The following FBXO9 variants were observed in gnomAD, a reference collection of about 807,000 sequenced individuals.
FBXO9 encodes F-box protein 9, also known as F-box only protein 9.
Under a neutral mutation model 63.7 loss-of-function variants are expected in FBXO9, and 43 were observed. That is an observed-to-expected ratio of 0.67 (90% confidence interval 0.53 to 0.87). The LOEUF (loss-of-function observed/expected upper bound fraction) is 0.87, where lower values mean the gene tolerates loss of function less well. Ranked by LOEUF, FBXO9 falls within the 40% of genes least tolerant of loss-of-function variation. The pLI is 0.00. For synonymous variants in FBXO9, 156 were observed against 171.7 expected, an observed-to-expected ratio of 0.91 and a Z score of 0.72; for missense variants, 442 against 533.2, an observed-to-expected ratio of 0.83 and a Z score of 1.68.
At chr6:53,067,472 A>G (rs1382899130) in intron 1 of FBXO9, among the ~76,000 whole-genome samples, 5 of 152,168 alleles carry the variant, frequency 3.3e-5, no homozygotes, top group Admixed American at 2.0e-4. Flanking sequence ...ATGAACCCTG[A>G]GCTGAATCTT....
intron 1 of FBXO9, among the ~76,000 whole-genome samples, chr6:53,066,669 C>G (rs1185112904): frequency 6.6e-6 from 1 of 152,226 alleles, no homozygotes; most frequent in Admixed American, 6.5e-5. Flanking sequence ...CCTAAACTTT[C>G]AGAAGTAGTT....
chr6:53,079,320 A>G (rs973854868), intron 5 of FBXO9, among the ~76,000 whole-genome samples: 2 of 152,140 alleles, frequency 1.3e-5, no homozygotes, highest in African/African-American at 4.8e-5. Context: ...TTCCTTACGT[A>G]TATGTTTGAA....
Position 53,098,226 on chromosome 6 carries a change from C to A in FBXO9, c.*396C>A. 3.1e-6 allele frequency: 1 copy of A among 326,268 alleles called. No individual in the cohort carries two copies. The highest frequency in any genetic ancestry group is 6.6e-6 in the Non-Finnish European group (1 of 152,260). 20.2% of individuals were successfully genotyped at this position (326,268 alleles called of 1,614,324 possible). A position where few individuals can be genotyped will look rare whatever the true frequency, so the allele number is the denominator to read the frequency against. On this transcript the variant is annotated 3_prime_UTR_variant, in exon 13 of 13. Transcript: ENST00000323557. ...TGAGTATCCTAATATTTCAATGCAT[C>A]AGGGGAGCGCTCCACTGGATAAGCA...
chr6:53,076,440 A>C (rs756076659), intron 3 of FBXO9, 46 bp from the exon 4 acceptor site: 2 of 1,301,868 alleles, frequency 1.5e-6, no homozygotes, highest in Admixed American at 2.8e-5. Context: ...ATCCATACTA[A>C]TTTTTAATGC....
chr6:53,098,259 T>TC lies in FBXO9; in HGVS notation c.*432dup. On this transcript the variant is annotated 3_prime_UTR_variant, in exon 13 of 13. Coordinates refer to ENST00000323557, the MANE Select transcript of FBXO9 (RefSeq NM_033480.3). ...CGCTCCACTGGATAAGCATTTTATT[T>TC]CCCGCATGGCATAATGTTTTTGCAC... The TC allele has an allele frequency of 3.8e-6, 1 of 262,002 alleles. No homozygotes were observed. The highest frequency in any genetic ancestry group is 3.4e-5 in the South Asian group (1 of 29,326). The allele number at this position is 262,002 out of a possible 1,614,324, so 16.2% of individuals were successfully genotyped here.
chr6:53,065,091 C>A (rs1343908329), upstream of FBXO9: 1 of 152,304 alleles, frequency 6.6e-6, no homozygotes, highest in East Asian at 1.9e-4. Context: ...TGGCGCGGGA[C>A]TCTAGCCAGA....
intron 12 of FBXO9, among the ~76,000 whole-genome samples, chr6:53,095,902 T>C (rs1763196528): frequency 6.6e-6 from 1 of 152,214 alleles, no homozygotes; most frequent in Non-Finnish European, 1.5e-5. Flanking sequence ...TGTGAATTGG[T>C]ACCACCACCA....
At chr6:53,070,745 A>G in intron 1 of FBXO9, 1 of 310,924 alleles carries the variant, frequency 3.2e-6, no homozygotes, top group Non-Finnish European at 6.0e-6. Context: ...GTGGATACTG[A>G]GGGACAACTG....
intron 7 of FBXO9, among the ~76,000 whole-genome samples, chr6:53,086,921 G>A (rs1038288733): frequency 6.6e-6 from 1 of 152,064 alleles, no homozygotes; most frequent in African/African-American, 2.4e-5. Context: ...GCTGGGTGTG[G>A]TGGTGCACGC....
At chr6:53,095,293 TATG>T (rs1044020204) in intron 11 of FBXO9, among the ~76,000 whole-genome samples, 11 of 152,354 alleles carry the variant, frequency 7.2e-5, no homozygotes, top group Admixed American at 5.9e-4. Flanking sequence ...ATGAGGTTAT[TATG>T]ATGATTAACT....
chr6:53,073,701 A>G (rs185950877), intron 3 of FBXO9, 62 bp downstream of exon 3: 23 of 1,387,210 alleles, frequency 1.7e-5, no homozygotes, highest in Admixed American at 1.6e-4. Context: ...GGAAATTTTC[A>G]CTGACACAGT....
In FBXO9 at chr6:53,073,634, G is replaced by A; in HGVS notation, c.244G>A (p.Glu82Lys). 6.4e-7 allele frequency: 1 copy of A among 1,570,592 alleles called. No individual in the cohort carries two copies. Among genetic ancestry groups the A allele is most frequent in the African/African-American group, 1.4e-5 (1 of 72,940 alleles). Residue 82 changes from glutamate to lysine, a missense_variant, in exon 3 of 13, where the codon GAA (glutamate) becomes AAA (lysine). By Grantham distance (56) the Glu-to-Lys change is moderately conservative. Coordinates refer to ENST00000323557, the MANE Select transcript of FBXO9 (RefSeq NM_033480.3). The stretch of plus-strand genomic sequence containing the variant: ...AGGAAAACAAGAACAGGCAAAAGAA[G>A]AAAAGTTAAGTATTATAGATATTGT... ...TKGKQEQAKE[E>K]KARELFLKAV...
chr6:53,077,721 A>G lies in FBXO9; in HGVS notation c.308-1078A>G, dbSNP rs573304771. Reference sequence around the variant, plus strand: ...TTCAGAGTTACTGCATTTATATGCAAGTTTCTTCTAGTGATATTTTTCTTT... The same window carrying G: ...TTCAGAGTTACTGCATTTATATGCAGGTTTCTTCTAGTGATATTTTTCTTT... On this transcript the variant is annotated intron_variant, in intron 4 of 12. Transcript: ENST00000323557. Among the ~76,000 whole-genome samples, 13 of 152,300 alleles carry G rather than the reference A, an allele frequency of 8.5e-5. No homozygotes were observed. In the South Asian group the frequency reaches 2.3e-3, roughly 27 times the overall value.
At chr6:53,088,721 C>T (rs1406875092) in intron 7 of FBXO9, among the ~76,000 whole-genome samples, 3 of 151,548 alleles carry the variant, frequency 2.0e-5, no homozygotes, top group Non-Finnish European at 2.9e-5. Flanking sequence ...GCCTCAGTCT[C>T]CCGAGTAGCC....
At chr6:53,092,204 G>T (rs932187417) in intron 7 of FBXO9, 3 of 447,632 alleles carry the variant, frequency 6.7e-6, no homozygotes, top group African/African-American at 6.1e-5. Flanking sequence ...TACTTTGTCT[G>T]TTGGTTGATT....
intron 1 of FBXO9, among the ~76,000 whole-genome samples, chr6:53,069,114 A>G (rs1768818941): frequency 1.3e-5 from 2 of 152,252 alleles, no homozygotes; most frequent in African/African-American, 4.8e-5. Flanking sequence ...CTCTGTCCCA[A>G]GAAAGCAATA....
At chr6:53,082,686 C>G in intron 7 of FBXO9, 68 bp downstream of exon 7, 1 of 1,106,210 alleles carries the variant, frequency 9.0e-7, no homozygotes, top group Non-Finnish European at 1.3e-6. Context: ...GGTCCTTTGC[C>G]AATCCTGATA....
intron 7 of FBXO9, among the ~76,000 whole-genome samples, chr6:53,086,611 G>A (rs1762894283): frequency 6.6e-6 from 1 of 152,120 alleles, no homozygotes; most frequent in Admixed American, 6.5e-5. Flanking sequence ...ACATTAGAGA[G>A]GAATATAAAC....
At chr6:53,065,874 T>C in intron 1 of FBXO9, 82 bp downstream of exon 1, 1 of 1,246,072 alleles carries the variant, frequency 8.0e-7, no homozygotes, top group Non-Finnish European at 1.0e-6. Flanking sequence ...GGGCTGGGGG[T>C]CGGCGGGGAC....
Sources: allele counts gnomAD v4.1 joint callset (sites outside exome capture counted in the v4.1 genomes callset), GRCh38; gene constraint gnomAD v4.1.1; transcripts MANE v1.5; gene names NCBI Gene and HGNC (gene_info 2026-07-23, HGNC 2026-07-21).